The following ARHGAP15 variants were observed in gnomAD, a reference collection of about 807,000 sequenced individuals.
The protein encoded by ARHGAP15 is Rho GTPase activating protein 15.
In ARHGAP15, 51 loss-of-function variants were observed where a neutral mutation model predicts 63.7. The ratio of observed to expected loss-of-function variants is 0.80; its 90% CI spans 0.64 to 1.01. ARHGAP15 has a LOEUF of 1.01. ARHGAP15 is among the 50% of genes least tolerant of loss of function. The probability of loss-of-function intolerance (pLI) is 0.00; values close to 1 mark genes in which losing one functional copy is unlikely to be tolerated. For synonymous variants in ARHGAP15, 191 were observed against 193.8 expected (o/e 0.99, Z 0.12); for missense variants, 560 against 564.6 (o/e 0.99, Z 0.08).
intron 4 of ARHGAP15, among the ~76,000 whole-genome samples, chr2:143,224,768 CGAGAGAG>C (rs1490498749): frequency 1.3e-5 from 2 of 152,082 alleles, no homozygotes; most frequent in East Asian, 3.9e-4. Context: ...CAATGCCTTA[CGAGAGAG>C]TCACTATGTT....
intron 12 of ARHGAP15, among the ~76,000 whole-genome samples, chr2:143,658,116 C>G (rs1341310818): frequency 1.3e-5 from 2 of 152,210 alleles, no homozygotes; most frequent in Non-Finnish European, 2.9e-5. Flanking sequence ...TCTTCCTGTA[C>G]AGAAATTCTT....
chr2:143,592,635 C>T (rs149159682), intron 11 of ARHGAP15, among the ~76,000 whole-genome samples: 3 of 152,296 alleles, frequency 2.0e-5, no homozygotes, highest in African/African-American at 7.2e-5. Flanking sequence ...TACCCTTAAT[C>T]CTCCTTTGAG....
chr2:143,592,437 A>G (rs1462673362), intron 11 of ARHGAP15, among the ~76,000 whole-genome samples: 1 of 152,248 alleles, frequency 6.6e-6, no homozygotes, highest in Non-Finnish European at 1.5e-5. Context: ...AAATTTATCC[A>G]TACAGAAACC....
At chr2:143,443,915 C>G (rs1322891306) in intron 8 of ARHGAP15, among the ~76,000 whole-genome samples, 1 of 152,164 alleles carries the variant, frequency 6.6e-6, no homozygotes, top group African/African-American at 2.4e-5. Context: ...ATTCAGTTTT[C>G]AATGAATCAT....
chr2:143,164,048 C>A (rs76659840), intron 2 of ARHGAP15, among the ~76,000 whole-genome samples: 2 of 152,130 alleles, frequency 1.3e-5, no homozygotes, highest in Non-Finnish European at 2.9e-5. Context: ...TAATACACTT[C>A]CCCAGAGTTT....
intron 6 of ARHGAP15, among the ~76,000 whole-genome samples, chr2:143,332,023 C>A (rs958619959): frequency 5.3e-5 from 8 of 152,050 alleles, no homozygotes; most frequent in African/African-American, 1.9e-4. Flanking sequence ...GTGGTACCTG[C>A]CACAAAACCC....
chr2:143,268,386 T>A (rs1681102460), intron 6 of ARHGAP15, among the ~76,000 whole-genome samples: 1 of 152,126 alleles, frequency 6.6e-6, no homozygotes, highest in South Asian at 2.1e-4. Flanking sequence ...AGAAAAATTC[T>A]GTCAAACAAT....
At chr2:143,344,511 C>T (rs1225260275) in intron 6 of ARHGAP15, among the ~76,000 whole-genome samples, 1 of 152,100 alleles carries the variant, frequency 6.6e-6, no homozygotes, top group Non-Finnish European at 1.5e-5. Context: ...AAACCTCTCT[C>T]TGGCCAGATT....
chr2:143,364,732 T>A (rs1558922225), intron 6 of ARHGAP15, among the ~76,000 whole-genome samples: 1 of 152,154 alleles, frequency 6.6e-6, no homozygotes, highest in Non-Finnish European at 1.5e-5. Context: ...ATGTACTAAT[T>A]TAAGTAGTTC....
At chr2:143,197,481 T>G (rs1252070610) in intron 2 of ARHGAP15, among the ~76,000 whole-genome samples, 1 of 152,000 alleles carries the variant, frequency 6.6e-6, no homozygotes, top group Non-Finnish European at 1.5e-5. Flanking sequence ...AGATTTTGGT[T>G]GACCCAAGTT....
intron 13 of ARHGAP15, among the ~76,000 whole-genome samples, chr2:143,759,662 C>G (rs2105546077): frequency 6.6e-6 from 1 of 152,214 alleles, no homozygotes; most frequent in Non-Finnish European, 1.5e-5. Flanking sequence ...CATTCCTCAC[C>G]ACCAGGGTAT....
intron 2 of ARHGAP15, among the ~76,000 whole-genome samples, chr2:143,161,427 A>ACT (rs1394707507): frequency 6.6e-6 from 1 of 151,702 alleles, no homozygotes; most frequent in African/African-American, 2.4e-5. Context: ...GTATACTCTT[A>ACT]CTCTAGTTTG....
At chr2:143,606,262 C>T (rs980288604) in intron 11 of ARHGAP15, among the ~76,000 whole-genome samples, 5 of 152,122 alleles carry the variant, frequency 3.3e-5, no homozygotes, top group Non-Finnish European at 5.9e-5. Context: ...AGCCTTGGCT[C>T]TCCTATTCAC....
At chr2:143,567,918 G>A (rs1481587325) in intron 11 of ARHGAP15, among the ~76,000 whole-genome samples, 1 of 152,168 alleles carries the variant, frequency 6.6e-6, no homozygotes, top group African/African-American at 2.4e-5. Context: ...AGGGAAATTA[G>A]CTAAGGGTAT....
intron 6 of ARHGAP15, among the ~76,000 whole-genome samples, chr2:143,262,535 A>ATTTTTTTTTTTTTTTTTTTT (rs67267617): frequency 9.9e-5 from 9 of 90,918 alleles, no homozygotes; most frequent in African/African-American, 3.3e-4. Context: ...TGAACCTTTG[A>ATTTTTTTTTTTTTTTTTTTT]TTTTTTTTTT....
At chr2:143,286,855 A>G (rs538792363) in intron 6 of ARHGAP15, among the ~76,000 whole-genome samples, 3 of 152,314 alleles carry the variant, frequency 2.0e-5, no homozygotes, top group South Asian at 4.1e-4. Context: ...CCACATACCT[A>G]GGTGATATGA....
Position 143,360,524 on chromosome 2 carries a change from A to G in ARHGAP15, c.475-75077A>G, listed in dbSNP as rs1317224227. Among the ~76,000 whole-genome samples, 4 of 152,330 alleles carry G rather than the reference A, an allele frequency of 2.6e-5. No homozygotes were observed. In the East Asian group the frequency reaches 5.8e-4, roughly 22 times the overall value. On this transcript the variant is annotated intron_variant, in intron 6 of 13. Transcript: ENST00000295095. ...TTAGCAAAAAAAAAAATGATCTTTAATATTAGATATATTTCCTCTGTCCAA... is the reference window on the plus strand; with the variant it reads ...TTAGCAAAAAAAAAAATGATCTTTAGTATTAGATATATTTCCTCTGTCCAA...
At chr2:143,725,175 AAAG>A (rs1183968792) in intron 13 of ARHGAP15, among the ~76,000 whole-genome samples, 1 of 152,244 alleles carries the variant, frequency 6.6e-6, no homozygotes, top group African/African-American at 2.4e-5. Context: ...CATCTAAGTA[AAAG>A]AAGTTTTATT....
intron 6 of ARHGAP15, among the ~76,000 whole-genome samples, chr2:143,398,442 GCA>G (rs1371835904): frequency 6.6e-6 from 1 of 151,986 alleles, no homozygotes. Context: ...AAACACTGAG[GCA>G]CACTCAGTTC....
Sources: allele counts gnomAD v4.1 joint callset (sites outside exome capture counted in the v4.1 genomes callset), GRCh38; gene constraint gnomAD v4.1.1; transcripts MANE v1.5; gene names NCBI Gene and HGNC (gene_info 2026-07-23, HGNC 2026-07-21).